Variants in ACTC1 observed in about 807,000 individuals in gnomAD.
ACTC1 encodes actin alpha cardiac muscle 1, also known as actin, alpha cardiac muscle 1.
Under a neutral mutation model 31.6 loss-of-function variants are expected in ACTC1, and 10 were observed. The ratio of observed to expected loss-of-function variants is 0.32; its 90% CI spans 0.19 to 0.54. The LOEUF is 0.54. ACTC1 is among the 20% of genes least tolerant of loss of function. ACTC1 has a pLI of 0.95. For synonymous variants in ACTC1, 196 were observed against 185.0 expected (o/e 1.06, Z -0.48); for missense variants, 129 against 506.4 (o/e 0.25, Z 7.15).
intron 5 of ACTC1, 150 bp downstream of exon 5, chr15:34,791,940 G>A (rs528475765): frequency 8.2e-6 from 6 of 734,672 alleles, no homozygotes; most frequent in African/African-American, 5.3e-5. Context: ...CCCCTTTAAT[G>A]AGCCATCAGG....
In ACTC1 at chr15:34,793,273, T is replaced by C. The variant is rs1595761307; in HGVS notation, c.426A>G (p.Leu142=). 1 of 1,614,096 alleles carries C rather than the reference T, an allele frequency of 6.2e-7. No individual in the cohort carries two copies. Among genetic ancestry groups the C allele is most frequent in the Non-Finnish European group, 8.5e-7 (1 of 1,180,002 alleles). Residue 142 remains leucine, a synonymous_variant, in exon 3 of 7, where the codon CTA becomes CTG. Transcript: ENST00000290378. This position sits in a 1 kb window ranked among gnomAD's most constrained non-coding sequence, Gnocchi z 4.8. Reference sequence around the variant, plus strand: ...TGGTACGGCCAGAAGCATACAGGGATAGCACTGCCTGGATGGCCACGTACA... The same window carrying C: ...TGGTACGGCCAGAAGCATACAGGGACAGCACTGCCTGGATGGCCACGTACA... ...PAMYVAIQAV[L]SLYASGRTTG... is the part of the protein sequence containing the mutation.
In ACTC1 at chr15:34,791,186, A is replaced by T. The variant is rs397517074; in HGVS notation, c.918T>A (p.Thr306=). 2 of 1,614,098 alleles carry T rather than the reference A, an allele frequency of 1.2e-6. No individual in the cohort carries two copies. Among genetic ancestry groups the T allele is most frequent in the South Asian group, 2.2e-5 (2 of 91,082 alleles). Residue 306 remains threonine (T), a synonymous_variant, in exon 6 of 7, where the codon ACT becomes ACA. Coordinates refer to ENST00000290378, the MANE Select transcript of ACTC1 (RefSeq NM_005159.5). ...TACGATCAGCAATACCAGGGTACAT[A>T]GTGGTGCCTCCAGATAAGACATTGT... The part of the protein sequence containing the change: ...YANNVLSGGT[T]MYPGIADRMQ...
chr15:34,791,003 A>T (rs768396767), intron 6 of ACTC1, 111 bp downstream of exon 6: 7 of 1,051,318 alleles, frequency 6.7e-6, no homozygotes, highest in Non-Finnish European at 9.5e-6. Flanking sequence ...GCTAACAGGT[A>T]AAGTTTGTAG....
Position 34,795,527 on chromosome 15 carries a change from CG to C in ACTC1, c.-45del, listed in dbSNP as rs1364917393. 2 of 152,458 alleles carry C rather than the reference CG, an allele frequency of 1.3e-5. No individual in the cohort carries two copies. Among genetic ancestry groups the C allele is most frequent in the African/African-American group, 4.8e-5 (2 of 41,284 alleles). The allele number at this position is 152,458 out of a possible 1,614,324, so 9.4% of individuals were successfully genotyped here. On this transcript the variant is annotated 5_prime_UTR_variant, in exon 1 of 7. Transcript: ENST00000290378. ...TCACCGTCGGCGGGGCGGGTCGGCT[CG>C]GCTCCGGCGGCAGCGGGCTCTGGGT...
chr15:34,793,184 C>T lies in ACTC1; in HGVS notation c.454+61G>A. ...TTTTTCAACTGGGGGATCTGATTCA[C>T]AGCAAGGTCGGTGACTTGGGAATGT... On this transcript the variant is annotated intron_variant, in intron 3 of 6. Transcript: ENST00000290378. The surrounding 1 kb of genome is among the most constrained non-coding windows in gnomAD (Gnocchi z 4.8). 6.5e-7 allele frequency: 1 copy of T among 1,549,232 alleles called. No homozygotes were observed. The highest frequency in any genetic ancestry group is 8.9e-7 in the Non-Finnish European group (1 of 1,123,034).
rs1012080897 is a variant in ACTC1 at position 34,793,653 on chromosome 15, C to T, written c.130-84G>A. ...TCTTGTCCATTTATATCTAACTGCC[C>T]AAGTCAAGGAACATATTTAAATACC... On this transcript the variant is annotated intron_variant, in intron 2 of 6. Coordinates refer to ENST00000290378, the MANE Select transcript of ACTC1 (RefSeq NM_005159.5). The surrounding 1 kb of genome is among the most constrained non-coding windows in gnomAD (Gnocchi z 4.8). 1.0e-5 allele frequency: 13 copies of T among 1,239,268 alleles called. 1 individual carries two copies. The highest frequency in any genetic ancestry group is 1.4e-5 in the Non-Finnish European group (12 of 854,942). 76.8% of individuals were successfully genotyped at this position (1,239,268 alleles called of 1,614,324 possible).
intron 1 of ACTC1, among the ~76,000 whole-genome samples, chr15:34,795,122 C>G (rs1487098027): frequency 6.6e-6 from 1 of 152,054 alleles, no homozygotes; most frequent in Non-Finnish European, 1.5e-5. Flanking sequence ...CCCCTTAGTC[C>G]TCCCCAGCCC....
chr15:34,794,930 GACTGGACAGGGGGTTGGGC>G, intron 1 of ACTC1, 100 bp from the exon 2 acceptor site: 1 of 879,158 alleles, frequency 1.1e-6, no homozygotes, highest in Non-Finnish European at 1.6e-6. Context: ...GGGTTGTGGG[GACTGGACAGGGGGTTGGGC>G]GGGGAACACT....
At position 34,791,308 on chromosome 15, in the gene ACTC1, CACACA is replaced by C; in HGVS notation, c.809-18_809-14del. The stretch of plus-strand genomic sequence containing the variant: ...GCAGATTCCATACCTGGGAACGAGT[CACACA>C]CACACACACACACACACACACACAC... On this transcript the variant is annotated splice_polypyrimidine_tract_variant and intron_variant, in intron 5 of 6. Coordinates refer to ENST00000290378, the MANE Select transcript of ACTC1 (RefSeq NM_005159.5). 5.6e-6 allele frequency: 1 copy of C among 177,528 alleles called. No homozygotes were observed. Among genetic ancestry groups the C allele is most frequent in the South Asian group, 1.2e-4 (1 of 8,414 alleles). 11.0% of individuals were successfully genotyped at this position (177,528 alleles called of 1,614,324 possible).
rs1457383203 is a variant in ACTC1, at chr15:34,793,119, C to T, written c.454+126G>A. The T allele has an allele frequency of 1.0e-6, 1 of 992,496 alleles. No homozygotes were observed. Among genetic ancestry groups the T allele is most frequent in the Non-Finnish European group, 1.5e-6 (1 of 651,076 alleles). The allele number at this position is 992,496 out of a possible 1,614,324, so 61.5% of individuals were successfully genotyped here. A position where few individuals can be genotyped will look rare whatever the true frequency, so the allele number is the denominator to read the frequency against. On this transcript the variant is annotated intron_variant, in intron 3 of 6. Transcript: ENST00000290378. The surrounding 1 kb of genome is among the most constrained non-coding windows in gnomAD (Gnocchi z 4.8). ...CACTACTGTTAACTCTTTCTCTTAG[C>T]ACAGACCTTGCTAGGGAATGGGAGG... is the stretch of plus-strand genomic sequence containing the variant.
At position 34,793,629 on chromosome 15, in the gene ACTC1, C is replaced by G; in HGVS notation, c.130-60G>C. ...ACCATGTCAGGAATATAATCAGTGTCTTGTCCATTTATATCTAACTGCCCA... is the reference window on the plus strand; with the variant it reads ...ACCATGTCAGGAATATAATCAGTGTGTTGTCCATTTATATCTAACTGCCCA... On this transcript the variant is annotated intron_variant, in intron 2 of 6. Transcript: ENST00000290378. The surrounding 1 kb of genome is among the most constrained non-coding windows in gnomAD (Gnocchi z 4.8). 2 of 1,503,020 alleles carry G rather than the reference C, an allele frequency of 1.3e-6. No homozygotes were observed. Among genetic ancestry groups the G allele is most frequent in the Non-Finnish European group, 1.8e-6 (2 of 1,085,374 alleles). The allele number at this position is 1,503,020 out of a possible 1,614,324, so 93.1% of individuals were successfully genotyped here.
intron 5 of ACTC1, 142 bp downstream of exon 5, chr15:34,791,948 A>G: frequency 1.3e-6 from 1 of 795,870 alleles, no homozygotes; most frequent in Non-Finnish European, 2.1e-6. Context: ...ATGAGCCATC[A>G]GGACTTGAGG....
In ACTC1 at chr15:34,794,847, G is replaced by C; in HGVS notation, c.-22-17C>G. On this transcript the variant is annotated splice_polypyrimidine_tract_variant and intron_variant, in intron 1 of 6. Coordinates refer to ENST00000290378, the MANE Select transcript of ACTC1 (RefSeq NM_005159.5). The stretch of plus-strand genomic sequence containing the variant: ...CAGGGGGTTCTGCAGGTTGAGGAGG[G>C]GAGGGCGGACCACGCTTAGCTGCCT... 1 of 1,606,098 alleles carries C rather than the reference G, an allele frequency of 6.2e-7. No individual in the cohort carries two copies. Among genetic ancestry groups the C allele is most frequent in the Non-Finnish European group, 8.5e-7 (1 of 1,174,246 alleles).
chr15:34,794,113 G>A (rs1891763899), intron 2 of ACTC1, among the ~76,000 whole-genome samples: 2 of 152,218 alleles, frequency 1.3e-5, no homozygotes, highest in Non-Finnish European at 2.9e-5. Flanking sequence ...GGCCAGGCAT[G>A]TGACAAACCC....
rs371940910 is a variant in ACTC1, at chr15:34,792,142, A to G, written c.756T>C (p.Ile252=). ...YELPDGQVIT[I]GNERFRCPET... Reference sequence around the variant, plus strand: ...CAGGACAGCGGAAGCGCTCATTGCCAATAGTGATGACTTGGCCATCAGGCA... The same window carrying G: ...CAGGACAGCGGAAGCGCTCATTGCCGATAGTGATGACTTGGCCATCAGGCA... The change falls in exon 5 of 7, where the codon ATT becomes ATC. Residue 252 remains isoleucine, a synonymous_variant. Coordinates refer to ENST00000290378, the MANE Select transcript of ACTC1 (RefSeq NM_005159.5). This position sits in a 1 kb window ranked among gnomAD's most constrained non-coding sequence, Gnocchi z 5.3. 1.9e-6 allele frequency: 3 copies of G among 1,614,110 alleles called. No homozygotes were observed. In the African/African-American group the frequency reaches 4.0e-5, roughly 22 times the overall value.
At position 34,790,240 on chromosome 15, in the gene ACTC1, G is replaced by T; in HGVS notation, c.*172C>A. On this transcript the variant is annotated 3_prime_UTR_variant, in exon 7 of 7. Coordinates refer to ENST00000290378, the MANE Select transcript of ACTC1 (RefSeq NM_005159.5). The stretch of plus-strand genomic sequence containing the variant: ...AACGAGAGGCTTTTATAGGTTGCAA[G>T]TCCTGGTCTGGTTTATTTATAAAGC... 1 of 899,108 alleles carries T rather than the reference G, an allele frequency of 1.1e-6. No homozygotes were observed. 55.7% of individuals were successfully genotyped at this position (899,108 alleles called of 1,614,324 possible). A position where few individuals can be genotyped will look rare whatever the true frequency, so the allele number is the denominator to read the frequency against.
At position 34,792,839 on chromosome 15, in the gene ACTC1, A is replaced by G; in HGVS notation, c.455-270T>C. 1.9e-6 allele frequency: 1 copy of G among 534,920 alleles called. No individual in the cohort carries two copies. The highest frequency in any genetic ancestry group is 2.1e-5 in the South Asian group (1 of 48,578). The allele number at this position is 534,920 out of a possible 1,614,324, so 33.1% of individuals were successfully genotyped here. A position where few individuals can be genotyped will look rare whatever the true frequency, so the allele number is the denominator to read the frequency against. Reference sequence around the variant, plus strand: ...ACCATCTTTCTTGTCAGCCACGAGCACATTATGTAAGCACCCAAGGGTGTT... The same window carrying G: ...ACCATCTTTCTTGTCAGCCACGAGCGCATTATGTAAGCACCCAAGGGTGTT... On this transcript the variant is annotated intron_variant, in intron 3 of 6. Transcript: ENST00000290378. This position sits in a 1 kb window ranked among gnomAD's most constrained non-coding sequence, Gnocchi z 5.3.
intron 5 of ACTC1, 138 bp downstream of exon 5, chr15:34,791,952 C>G (rs1891714504): frequency 4.8e-6 from 4 of 840,728 alleles, no homozygotes; most frequent in Admixed American, 4.3e-5. Flanking sequence ...GCCATCAGGA[C>G]TTGAGGTTGA....
intron 5 of ACTC1, among the ~76,000 whole-genome samples, 179 bp from the exon 6 acceptor site, chr15:34,791,474 G>A (rs1456394997): frequency 7.9e-5 from 12 of 152,162 alleles, no homozygotes; most frequent in Admixed American, 7.2e-4. Context: ...GGTGGAATGG[G>A]TGCCTCACAG....
Sources: gnomAD v4.1 joint callset for allele counts (sites outside exome capture counted in the v4.1 genomes callset) on GRCh38, gnomAD v4.1.1 for gene constraint, Gnocchi (gnomAD v3.1) non-coding constraint, MANE v1.5 for transcripts, NCBI Gene and HGNC (gene_info 2026-07-23, HGNC 2026-07-21) for gene names.